The following NUTM2B variants were observed in gnomAD, a reference collection of about 807,000 sequenced individuals.
NUTM2B encodes NUT family member 2B, also known as family with sequence similarity 22, member B.
In NUTM2B, 2 loss-of-function variants were observed where a neutral mutation model predicts 42.4. That is an observed-to-expected ratio of 0.05 (90% CI 0.02 to 0.15). The LOEUF (loss-of-function observed/expected upper bound fraction) is 0.15, where lower values mean the gene tolerates loss of function less well. Ranked by LOEUF, NUTM2B falls within the 10% of genes least tolerant of loss-of-function variation. The probability of loss-of-function intolerance (pLI) is 1.00; values close to 1 mark genes in which losing one functional copy is unlikely to be tolerated. For synonymous variants in NUTM2B, 18 were observed against 402.4 expected (o/e 0.04, Z 11.43); for missense variants, 58 against 952.6 (o/e 0.06, Z 12.36).
upstream of NUTM2B, among the ~76,000 whole-genome samples, chr10:79,700,049 G>A (rs561310601): frequency 8.3e-4 from 126 of 152,248 alleles, 3 homozygotes; most frequent in African/African-American, 2.9e-3. Flanking sequence ...CTTTTTATAT[G>A]TAAATCCCAC....
At chr10:79,699,518 T>C (rs1358071642), upstream of NUTM2B, among the ~76,000 whole-genome samples, 4 of 152,214 alleles carry the variant, frequency 2.6e-5, no homozygotes, top group Admixed American at 6.5e-5. Context: ...TCTGGGCTCA[T>C]TGCAAACTCC....
the NUTM2B span, among the ~76,000 whole-genome samples, chr10:79,697,736 C>CAA: frequency 2.6e-4 from 33 of 128,808 alleles, no homozygotes; most frequent in Non-Finnish European, 4.9e-4. Context: ...GGCATAGGCT[C>CAA]AAAAAAAAAA....
the NUTM2B span, among the ~76,000 whole-genome samples, chr10:79,693,395 G>A: frequency 6.6e-6 from 1 of 152,232 alleles, no homozygotes; most frequent in Non-Finnish European, 1.5e-5. Flanking sequence ...AACAGTCAGA[G>A]GCTTCTAAGG....
chr10:79,692,613 G>A, the NUTM2B span, among the ~76,000 whole-genome samples: 52 of 152,178 alleles, frequency 3.4e-4, no homozygotes, highest in Non-Finnish European at 6.2e-4. Context: ...AAAATAAGGG[G>A]TCCTCATGGG....
upstream of NUTM2B, among the ~76,000 whole-genome samples, chr10:79,700,747 G>C (rs1297453390): frequency 2.0e-5 from 3 of 152,222 alleles, no homozygotes; most frequent in East Asian, 1.9e-4. Context: ...CGCCGCAACC[G>C]GCGCTGGGAG....
At chr10:79,711,774 G>T (rs748710914) in exon 7 of NUTM2B, 8 of 1,610,582 alleles carry the variant, frequency 5.0e-6, no homozygotes, top group Middle Eastern at 2.1e-4. Flanking sequence ...GCACAGCCCG[G>T]TTGGACTCAA....
the NUTM2B span, among the ~76,000 whole-genome samples, chr10:79,697,688 C>T: frequency 6.6e-6 from 1 of 151,760 alleles, no homozygotes; most frequent in African/African-American, 2.4e-5. Flanking sequence ...AAATCCTTTT[C>T]AGTAGATTTG....
chr10:79,693,047 C>G, the NUTM2B span, among the ~76,000 whole-genome samples: 1 of 152,204 alleles, frequency 6.6e-6, no homozygotes, highest in Non-Finnish European at 1.5e-5. Flanking sequence ...GACATGCCCC[C>G]TCCACCTCTT....
the NUTM2B span, among the ~76,000 whole-genome samples, chr10:79,696,312 G>A: frequency 1.3e-5 from 2 of 151,994 alleles, no homozygotes; most frequent in African/African-American, 2.4e-5. Context: ...GAGAAGAGAT[G>A]TGCTGTGCCC....
intron 1 of NUTM2B, among the ~76,000 whole-genome samples, chr10:79,705,609 T>A (rs3871225): frequency 0.012 from 1,647 of 137,566 alleles, 1 homozygote; most frequent in South Asian, 0.043. Context: ...GGCCATAATA[T>A]TCGGAAGCTT....
intron 2 of NUTM2B, among the ~76,000 whole-genome samples, chr10:79,707,449 C>T (rs1234132559): frequency 7.8e-6 from 1 of 128,900 alleles, no homozygotes; most frequent in East Asian, 2.8e-4. Flanking sequence ...ATTATCAAGA[C>T]TAGGCCATCT....
chr10:79,696,455 C>T, the NUTM2B span, among the ~76,000 whole-genome samples: 100 of 151,240 alleles, frequency 6.6e-4, 1 homozygote, highest in Non-Finnish European at 9.3e-4. Context: ...CAAAACCAAA[C>T]GATGTACCTC....
the NUTM2B span, among the ~76,000 whole-genome samples, chr10:79,693,618 T>C: frequency 6.6e-6 from 1 of 152,208 alleles, no homozygotes; most frequent in Non-Finnish European, 1.5e-5. Flanking sequence ...AAGAGACACA[T>C]ATACTTCTCC....
At chr10:79,701,610 G>A (rs1334976035), upstream of NUTM2B, among the ~76,000 whole-genome samples, 3 of 151,292 alleles carry the variant, frequency 2.0e-5, no homozygotes, top group Admixed American at 1.3e-4. Context: ...GCATGGAGCC[G>A]CCATTCCTCT....
chr10:79,697,596 C>T, the NUTM2B span, among the ~76,000 whole-genome samples: 451 of 151,234 alleles, frequency 3.0e-3, no homozygotes, highest in African/African-American at 0.011. Flanking sequence ...CTTTGTTTTG[C>T]ACTGAAGGCT....
At chr10:79,707,262 G>A (rs1037614407) in intron 2 of NUTM2B, among the ~76,000 whole-genome samples, 6 of 131,386 alleles carry the variant, frequency 4.6e-5, no homozygotes, top group Non-Finnish European at 8.0e-5. Flanking sequence ...GGCCGATGCC[G>A]GGCAGGTATT....
chr10:79,695,531 T>A, the NUTM2B span, among the ~76,000 whole-genome samples: 1 of 152,110 alleles, frequency 6.6e-6, no homozygotes, highest in African/African-American at 2.4e-5. Flanking sequence ...TGGGGACAGG[T>A]TGGTTGAGAA....
upstream of NUTM2B, among the ~76,000 whole-genome samples, chr10:79,699,193 C>A (rs1840271204): frequency 1.3e-5 from 2 of 151,828 alleles, no homozygotes; most frequent in African/African-American, 4.8e-5. Context: ...ACAGAGCGTA[C>A]ATCCACAAAA....
chr10:79,694,329 C>T, the NUTM2B span, among the ~76,000 whole-genome samples: 2 of 149,626 alleles, frequency 1.3e-5, no homozygotes, highest in South Asian at 2.1e-4. Flanking sequence ...ACCCGGGAGG[C>T]GGAGTTTGCA....
Sources: allele counts gnomAD v4.1 joint callset (sites outside exome capture counted in the v4.1 genomes callset), GRCh38; gene constraint gnomAD v4.1.1; transcripts MANE v1.5; gene names NCBI Gene and HGNC (gene_info 2026-07-23, HGNC 2026-07-21).